The following RERGL variants were observed in gnomAD, a reference collection of about 807,000 sequenced individuals.
RERGL encodes the protein ras-related and estrogen-regulated growth inhibitor-like protein.
A neutral mutation model predicts 24.7 loss-of-function variants in RERGL; 22 were observed. The observed-to-expected ratio is 0.89, with a 90% confidence interval of 0.64 to 1.27. The LOEUF (loss-of-function observed/expected upper bound fraction) is 1.27, where lower values mean the gene tolerates loss of function less well. Ranked by LOEUF, RERGL falls within the 50% of genes most tolerant of loss-of-function variation. The probability of loss-of-function intolerance (pLI) is 0.00; values close to 1 mark genes in which losing one functional copy is unlikely to be tolerated. For synonymous variants in RERGL, 76 were observed against 82.6 expected, an observed-to-expected ratio of 0.92 and a Z score of 0.43; for missense variants, 259 against 235.3, an observed-to-expected ratio of 1.10 and a Z score of -0.66.
At chr12:18,087,709 G>A (rs2136833469) in intron 2 of RERGL, among the ~76,000 whole-genome samples, 1 of 152,188 alleles carries the variant, frequency 6.6e-6, no homozygotes, top group Non-Finnish European at 1.5e-5. Flanking sequence ...AGTTTAAGTT[G>A]AGGGCTTTTG....
chr12:18,080,893 C>A lies in RERGL; in HGVS notation c.*298G>T. Reference sequence around the variant, plus strand: ...CTATGGCATGGTCGTTTAATAAATTCACATAAACAGAGTTTATTTGGCAAG... The same window carrying A: ...CTATGGCATGGTCGTTTAATAAATTAACATAAACAGAGTTTATTTGGCAAG... On this transcript the variant is annotated 3_prime_UTR_variant, in exon 5 of 5. Transcript: ENST00000538724. The A allele has an allele frequency of 4.7e-6, 1 of 210,602 alleles. No individual in the cohort carries two copies. Among genetic ancestry groups the A allele is most frequent in the Non-Finnish European group, 9.5e-6 (1 of 105,642 alleles). 13.0% of individuals were successfully genotyped at this position (210,602 alleles called of 1,614,324 possible). A position where few individuals can be genotyped will look rare whatever the true frequency, so the allele number is the denominator to read the frequency against.
At chr12:18,089,252 T>G (rs1947247774) in intron 1 of RERGL, 1 of 1,608,026 alleles carries the variant, frequency 6.2e-7, no homozygotes, top group Middle Eastern at 1.8e-4. Flanking sequence ...AACAGATTTC[T>G]CATTATATTT....
rs1472255251 is a variant in RERGL at position 18,081,237 on chromosome 12, G to GC, written c.568dup (p.Ala190GlyfsTer6). On this transcript the variant is annotated frameshift_variant, in exon 5 of 5. Coordinates refer to ENST00000538724, the MANE Select transcript of RERGL (RefSeq NM_001286201.2). LOFTEE classifies it high-confidence loss of function. ...TCCAAATACATTATTGATCAATTTG[G>GC]CCATTGATTTAGATCCACTGGGACG... The GC allele has an allele frequency of 1.9e-6, 3 of 1,608,104 alleles. No homozygotes were observed. The East Asian group carries it at 6.7e-5, about 36-fold the overall frequency.
intron 4 of RERGL, among the ~76,000 whole-genome samples, chr12:18,082,160 G>C (rs895125394): frequency 1.2e-4 from 16 of 130,164 alleles, no homozygotes; most frequent in African/African-American, 4.7e-4. Flanking sequence ...AAAAAAAAAA[G>C]AATGAGAGCA....
chr12:18,089,923 ACTC>A (rs1390333034), intron 1 of RERGL, among the ~76,000 whole-genome samples, 163 bp downstream of exon 1: 1 of 151,848 alleles, frequency 6.6e-6, no homozygotes, highest in African/African-American at 2.4e-5. Flanking sequence ...AAAAATGAAA[ACTC>A]CTAATGAAAG....
chr12:18,089,092 G>A (rs1411642006), intron 1 of RERGL, 136 bp from the exon 2 acceptor site: 2 of 1,118,540 alleles, frequency 1.8e-6, no homozygotes, highest in Admixed American at 4.7e-5. Flanking sequence ...ACCAAATTCT[G>A]TTCTAAATAG....
rs555539086 is a variant in RERGL at position 18,089,320 on chromosome 12, A to G, written c.53-364T>C. On this transcript the variant is annotated intron_variant, in intron 1 of 4. Transcript: ENST00000538724. The stretch of plus-strand genomic sequence containing the variant: ...CTCTGTCAAACTCAGTCTGGCTTCA[A>G]GGTACTATGTGTAATAGTCACAAAG... The G allele has an allele frequency of 1.3e-4, 204 of 1,573,990 alleles. No homozygotes were observed. The South Asian group carries it at 2.0e-3, about 16-fold the overall frequency.
At chr12:18,086,007 G>A (rs1317855926) in intron 2 of RERGL, among the ~76,000 whole-genome samples, 2 of 148,984 alleles carry the variant, frequency 1.3e-5, no homozygotes, top group Non-Finnish European at 3.0e-5. Flanking sequence ...ACAGGGGCTC[G>A]CCACCACGCC....
intron 2 of RERGL, among the ~76,000 whole-genome samples, chr12:18,087,562 G>A (rs959244036): frequency 6.6e-6 from 1 of 151,936 alleles, no homozygotes; most frequent in African/African-American, 2.4e-5. Flanking sequence ...TTGCTAGTTT[G>A]CCCTCATAGA....
rs1243199327 is a variant in RERGL at position 18,081,122 on chromosome 12, G to T, written c.*69C>A. 1.2e-5 allele frequency: 17 copies of T among 1,408,254 alleles called. No homozygotes were observed. The Middle Eastern group carries it at 6.5e-4, about 54-fold the overall frequency. 87.2% of individuals were successfully genotyped at this position (1,408,254 alleles called of 1,614,324 possible). A position where few individuals can be genotyped will look rare whatever the true frequency, so the allele number is the denominator to read the frequency against. On this transcript the variant is annotated 3_prime_UTR_variant, in exon 5 of 5. Coordinates refer to ENST00000538724, the MANE Select transcript of RERGL (RefSeq NM_001286201.2). Reference sequence around the variant, plus strand: ...TACCAAAAAAAAATTGCATACAAAGGTTAGTTTAATTATCATGTGAATGTT... The same window carrying T: ...TACCAAAAAAAAATTGCATACAAAGTTTAGTTTAATTATCATGTGAATGTT...
At chr12:18,085,845 TTTC>T in intron 2 of RERGL, 152 bp from the exon 3 acceptor site, 1 of 457,590 alleles carries the variant, frequency 2.2e-6, no homozygotes, top group Non-Finnish European at 3.7e-6. Context: ...CTCAGATATG[TTTC>T]TTTTTTTTTT....
In RERGL at chr12:18,085,774, G is replaced by A. The variant is rs181938657; in HGVS notation, c.110-81C>T. On this transcript the variant is annotated intron_variant, in intron 2 of 4. Transcript: ENST00000538724. ...TAAATTCAACCACTCACATTTTAGT[G>A]GAATCGTATTGTGCTCTTTTTATAT... The A allele has an allele frequency of 2.3e-4, 178 of 759,670 alleles. No homozygotes were observed. The African/African-American group carries it at 3.1e-3, about 13-fold the overall frequency. 47.1% of individuals were successfully genotyped at this position (759,670 alleles called of 1,614,324 possible).
chr12:18,085,692 T>G lies in RERGL; in HGVS notation c.111A>C (p.Glu37Asp). 1 of 1,580,202 alleles carries G rather than the reference T, an allele frequency of 6.3e-7. No individual in the cohort carries two copies. Among genetic ancestry groups the G allele is most frequent in the South Asian group, 1.1e-5 (1 of 88,156 alleles). ...AACACAAGTGCTTCTTATAGATAGA[T>G]TCTGCAAAAATATGCATATCCACTG... ...RFIGEYASNF[E>D]SIYKKHLCLE... The change falls in exon 3 of 5, where the codon GAA becomes GAC. Residue 37 changes from glutamate to aspartate, a missense_variant and splice_region_variant. Coordinates refer to ENST00000538724, the MANE Select transcript of RERGL (RefSeq NM_001286201.2).
At chr12:18,089,504 T>C (rs961654991) in intron 1 of RERGL, 43 of 560,566 alleles carry the variant, frequency 7.7e-5, no homozygotes, top group Non-Finnish European at 1.1e-4. Context: ...ATTGGTAGCA[T>C]GTCACCATTA....
rs778159034 is a variant in RERGL, at chr12:18,081,405, C to T, written c.401G>A (p.Trp134Ter). The T allele has an allele frequency of 2.5e-6, 4 of 1,613,958 alleles. No individual in the cohort carries two copies. The highest frequency in any genetic ancestry group is 3.4e-6 in the Non-Finnish European group (4 of 1,179,964). Residue 134 changes from tryptophan (W) to a stop codon, truncating the protein, a stop_gained, in exon 5 of 5, where the codon TGG becomes TAG. Transcript: ENST00000538724. LOFTEE classifies it high-confidence loss of function. ...CAGTGCCAGCTTTTGCCCTTCTTCC[C>T]AGCCAACCTCTCGCACATGACAAAG... ...RDLCHVREVG[W>*]EEGQKLALEN...
chr12:18,087,354 C>T (rs904193424), intron 2 of RERGL, among the ~76,000 whole-genome samples: 4 of 152,166 alleles, frequency 2.6e-5, no homozygotes, highest in African/African-American at 9.7e-5. Context: ...TTTCTTGAAA[C>T]CTTAAATTAT....
chr12:18,081,386 C>A lies in RERGL; in HGVS notation c.420G>T (p.Leu140=). 1 of 1,614,074 alleles carries A rather than the reference C, an allele frequency of 6.2e-7. No homozygotes were observed. Among genetic ancestry groups the A allele is most frequent in the African/African-American group, 1.3e-5 (1 of 75,018 alleles). ...REVGWEEGQK[L]ALENRCQFCE... is the part of the protein sequence containing the mutation. ...AGAATTGGCATCGGTTTTCCAGTGC[C>A]AGCTTTTGCCCTTCTTCCCAGCCAA... The change falls in exon 5 of 5, where the codon CTG becomes CTT. Residue 140 remains leucine (L), a synonymous_variant. Coordinates refer to ENST00000538724, the MANE Select transcript of RERGL (RefSeq NM_001286201.2).
chr12:18,089,558 T>C (rs1380888609), intron 1 of RERGL, among the ~76,000 whole-genome samples: 1 of 152,160 alleles, frequency 6.6e-6, no homozygotes, highest in Non-Finnish European at 1.5e-5. Flanking sequence ...AACAAAAGCA[T>C]GACTTCCAAA....
At chr12:18,086,028 T>C (rs1947218349) in intron 2 of RERGL, among the ~76,000 whole-genome samples, 1 of 67,012 alleles carries the variant, frequency 1.5e-5, no homozygotes, top group African/African-American at 5.0e-5. Context: ...TGGCCAATTT[T>C]TTTTTTTTTT....
Sources: gnomAD v4.1 joint callset for allele counts (sites outside exome capture counted in the v4.1 genomes callset) on GRCh38, gnomAD v4.1.1 for gene constraint, MANE v1.5 for transcripts, NCBI Gene and HGNC (gene_info 2026-07-23, HGNC 2026-07-21) for gene names.